EDIL3: variants seen among roughly 807,000 people sequenced by gnomAD.
EDIL3 encodes EGF-like repeat and discoidin I-like domain-containing protein 3.
Under a neutral mutation model 67.4 loss-of-function variants are expected in EDIL3, and 37 were observed. The observed-to-expected ratio is 0.55, with a 90% CI of 0.42 to 0.72. EDIL3 has a LOEUF of 0.72. EDIL3 is among the 30% of genes least tolerant of loss of function. EDIL3 has a pLI of 0.00. For missense variants in EDIL3, 527 were observed against 586.3 expected (o/e 0.90, Z 1.04); for synonymous variants, 195 against 196.3 (o/e 0.99, Z 0.05).
At chr5:84,142,664 TC>T (rs1480849421) in intron 4 of EDIL3, among the ~76,000 whole-genome samples, 1 of 152,012 alleles carries the variant, frequency 6.6e-6, no homozygotes, top group Non-Finnish European at 1.5e-5. Flanking sequence ...TCTAACCTCC[TC>T]CTAGAGAAGA....
At chr5:84,317,175 A>C (rs1415641131) in intron 1 of EDIL3, among the ~76,000 whole-genome samples, 1 of 152,196 alleles carries the variant, frequency 6.6e-6, no homozygotes, top group African/African-American at 2.4e-5. Flanking sequence ...TCTAAAATCG[A>C]CACCCTAAAA....
intron 6 of EDIL3, among the ~76,000 whole-genome samples, chr5:84,102,466 G>A (rs547126430): frequency 2.6e-5 from 4 of 151,720 alleles, no homozygotes; most frequent in Admixed American, 1.3e-4. Context: ...GTCTAGGCCC[G>A]AATGATCCTT....
chr5:84,195,188 A>G (rs1455043809), intron 3 of EDIL3, among the ~76,000 whole-genome samples: 1 of 151,946 alleles, frequency 6.6e-6, no homozygotes, highest in African/African-American at 2.4e-5. Context: ...TTTTCTTATT[A>G]CCAATACAAT....
At chr5:84,028,432 T>A (rs1484564645) in intron 9 of EDIL3, among the ~76,000 whole-genome samples, 1 of 152,164 alleles carries the variant, frequency 6.6e-6, no homozygotes, top group Non-Finnish European at 1.5e-5. Flanking sequence ...TGATTTAGAA[T>A]CAGACATGTA....
chr5:84,352,513 G>T (rs1747381311), intron 1 of EDIL3, among the ~76,000 whole-genome samples: 1 of 152,070 alleles, frequency 6.6e-6, no homozygotes, highest in Middle Eastern at 3.4e-3. Context: ...TGGAGCTCGG[G>T]GCCATTATCC....
At chr5:84,051,657 C>A (rs1475886514) in intron 9 of EDIL3, among the ~76,000 whole-genome samples, 2 of 152,136 alleles carry the variant, frequency 1.3e-5, no homozygotes, top group Admixed American at 6.5e-5. Flanking sequence ...AACTACGTGA[C>A]AAATGCACAA....
intron 9 of EDIL3, among the ~76,000 whole-genome samples, chr5:84,041,444 G>A (rs1487505081): frequency 6.6e-6 from 1 of 151,578 alleles, no homozygotes; most frequent in Non-Finnish European, 1.5e-5. Flanking sequence ...AGCTGGTGGT[G>A]TGCTTTTTCC....
chr5:84,099,841 G>A (rs544295988), intron 6 of EDIL3, among the ~76,000 whole-genome samples: 1 of 151,616 alleles, frequency 6.6e-6, no homozygotes, highest in East Asian at 1.9e-4. Context: ...TCTCACAAAG[G>A]GCTAATATCC....
chr5:84,237,056 T>A (rs561303986), intron 2 of EDIL3, among the ~76,000 whole-genome samples: 2 of 152,050 alleles, frequency 1.3e-5, no homozygotes, highest in Non-Finnish European at 2.9e-5. Context: ...TCACTAGATA[T>A]GAATTTCAGA....
intron 6 of EDIL3, among the ~76,000 whole-genome samples, chr5:84,069,676 G>A (rs923053435): frequency 7.9e-5 from 12 of 152,076 alleles, no homozygotes; most frequent in Admixed American, 1.3e-4. Flanking sequence ...TAATCATAAC[G>A]ATATGGGGTG....
chr5:84,172,970 G>C (rs1381592637), intron 4 of EDIL3, among the ~76,000 whole-genome samples: 2 of 152,120 alleles, frequency 1.3e-5, no homozygotes, highest in Admixed American at 1.3e-4. Flanking sequence ...CTGGCTCTGG[G>C]TCTGCTCTTC....
At position 83,943,470 on chromosome 5, in the gene EDIL3, G is replaced by A. The variant is rs565845623; in HGVS notation, c.1392C>T (p.Tyr464=). Residue 464 remains tyrosine, a synonymous_variant, in exon 11 of 11, where the codon TAC becomes TAT. Coordinates refer to ENST00000296591, the MANE Select transcript of EDIL3 (RefSeq NM_005711.5). ...GCTCTGACCGCAATGTGATCCTCCC[G>A]TACCAGGACCAAGGAAGGATTCTTA... ...RHIRILPWSW[Y]GRITLRSELL... The A allele has an allele frequency of 1.9e-5, 31 of 1,612,700 alleles. No individual in the cohort carries two copies. The highest frequency in any genetic ancestry group is 6.7e-5 in the African/African-American group (5 of 74,898).
chr5:84,149,143 T>C (rs1748342140), intron 4 of EDIL3, among the ~76,000 whole-genome samples: 1 of 150,108 alleles, frequency 6.7e-6, no homozygotes, highest in Non-Finnish European at 1.5e-5. Flanking sequence ...GTCTGGAGAG[T>C]CGACGGAGGC....
chr5:84,217,050 C>G (rs1325051380), intron 3 of EDIL3, among the ~76,000 whole-genome samples: 2 of 151,862 alleles, frequency 1.3e-5, no homozygotes, highest in South Asian at 4.2e-4. Flanking sequence ...AGTTGAATGC[C>G]TTCCCTGAGC....
intron 9 of EDIL3, among the ~76,000 whole-genome samples, chr5:83,989,183 T>G (rs1042873692): frequency 1.4e-4 from 21 of 152,102 alleles, no homozygotes; most frequent in Non-Finnish European, 2.6e-4. Flanking sequence ...AAAATATAAT[T>G]CCTGCTTCAT....
intron 1 of EDIL3, among the ~76,000 whole-genome samples, chr5:84,326,358 G>T (rs950072690): frequency 2.0e-5 from 3 of 152,024 alleles, no homozygotes; most frequent in African/African-American, 7.2e-5. Flanking sequence ...ACAGAAAGTA[G>T]AATTATAATT....
In EDIL3 at chr5:84,021,660, G is replaced by A. The variant is rs553265201; in HGVS notation, c.1137+38640C>T. Among the ~76,000 whole-genome samples the A allele has an allele frequency of 5.4e-4, 82 of 152,048 alleles. 1 individual carries two copies. The highest frequency in any genetic ancestry group is 4.2e-3 in the South Asian group (20 of 4,814). ...GAATGTTCTATGCGCTGATGAGAAC[G>A]TTGTATATTTGGCAGTTGTTGGCTA... On this transcript the variant is annotated intron_variant, in intron 9 of 10. Transcript: ENST00000296591.
In EDIL3 at chr5:83,979,206, A is replaced by G. The variant is rs552855756; in HGVS notation, c.1138-15846T>C. Reference sequence around the variant, plus strand: ...AGTAATCACGGAAATACAAATTACAACAGCACTTAGATTCTATTTCACATC... The same window carrying G: ...AGTAATCACGGAAATACAAATTACAGCAGCACTTAGATTCTATTTCACATC... On this transcript the variant is annotated intron_variant, in intron 9 of 10. Transcript: ENST00000296591. 3.7e-4 allele frequency among the ~76,000 whole-genome samples: 56 copies of G among 152,226 alleles called. No homozygotes were observed. The South Asian group carries it at 0.011, about 31-fold the overall frequency.
chr5:84,016,493 T>A (rs1000471273), intron 9 of EDIL3, among the ~76,000 whole-genome samples: 16 of 152,158 alleles, frequency 1.1e-4, no homozygotes, highest in South Asian at 2.1e-4. Context: ...AGGTTGTGCA[T>A]CCCTAATCTG....
Sources: allele counts gnomAD v4.1 joint callset (sites outside exome capture counted in the v4.1 genomes callset), GRCh38; gene constraint gnomAD v4.1.1; transcripts MANE v1.5; gene names NCBI Gene and HGNC (gene_info 2026-07-23, HGNC 2026-07-21).